SOS1: variants seen among roughly 807,000 people sequenced by gnomAD.
SOS1 encodes the protein son of sevenless homolog 1.
A neutral mutation model predicts 157.6 loss-of-function variants in SOS1; 25 were observed. That is an observed-to-expected ratio of 0.16 (90% CI 0.12 to 0.22). SOS1 has a LOEUF of 0.22. Among genes scored for constraint, SOS1 ranks in the 10% least tolerant of loss-of-function variants. SOS1 has a pLI of 1.00. For synonymous variants in SOS1, 528 were observed against 534.0 expected, an observed-to-expected ratio of 0.99 and a Z score of 0.16; for missense variants, 1,237 against 1,599.1, an observed-to-expected ratio of 0.77 and a Z score of 3.86.
intron 1 of SOS1, among the ~76,000 whole-genome samples, chr2:39,113,172 G>A (rs1673505134): frequency 6.6e-6 from 1 of 152,022 alleles, no homozygotes; most frequent in Non-Finnish European, 1.5e-5. Flanking sequence ...CCTGCCAGAG[G>A]TAGCATCACT....
chr2:39,050,509 T>C (rs1342638922), intron 6 of SOS1, among the ~76,000 whole-genome samples: 2 of 152,206 alleles, frequency 1.3e-5, no homozygotes, highest in African/African-American at 2.4e-5. Flanking sequence ...TGAGTATCTC[T>C]TACCCAAAAT....
intron 19 of SOS1, among the ~76,000 whole-genome samples, chr2:38,996,396 T>C (rs1456623819): frequency 6.6e-6 from 1 of 152,222 alleles, no homozygotes; most frequent in Non-Finnish European, 1.5e-5. Flanking sequence ...GGCAGACTTT[T>C]GACTTTTTTA....
chr2:39,081,910 AT>A (rs1449669922), intron 1 of SOS1, among the ~76,000 whole-genome samples: 1 of 152,170 alleles, frequency 6.6e-6, no homozygotes, highest in Non-Finnish European at 1.5e-5. Context: ...GGTAAAACCA[AT>A]TTTTAAAAAA....
At chr2:39,060,833 A>G (rs971682913) in intron 2 of SOS1, among the ~76,000 whole-genome samples, 1 of 152,188 alleles carries the variant, frequency 6.6e-6, no homozygotes. Flanking sequence ...GTAGACATAA[A>G]AGCAGTAGAA....
chr2:39,112,971 G>A (rs1673495195), intron 1 of SOS1, among the ~76,000 whole-genome samples: 1 of 151,960 alleles, frequency 6.6e-6, no homozygotes. Flanking sequence ...GGGAGGTGGA[G>A]GCTACAGTGA....
At chr2:39,059,834 C>G (rs1415091760) in intron 2 of SOS1, among the ~76,000 whole-genome samples, 2 of 151,918 alleles carry the variant, frequency 1.3e-5, no homozygotes, top group Non-Finnish European at 2.9e-5. Context: ...CCATTATGTC[C>G]AAGGCTAAGT....
intron 1 of SOS1, among the ~76,000 whole-genome samples, chr2:39,104,200 T>C (rs1478888439): frequency 2.0e-5 from 3 of 152,110 alleles, no homozygotes; most frequent in Non-Finnish European, 4.4e-5. Context: ...GAGAATTGCT[T>C]GAACCCAGGA....
chr2:39,028,941 C>T (rs1670065930), intron 8 of SOS1, among the ~76,000 whole-genome samples: 1 of 152,218 alleles, frequency 6.6e-6, no homozygotes, highest in Admixed American at 6.5e-5. Context: ...AAGAGTAACA[C>T]TTGATTTACT....
In SOS1 at chr2:39,088,802, G is replaced by A. The variant is rs116158046; in HGVS notation, c.88-21049C>T. ...TATAAACACTGGTGTACAAATATCTGTTCAAATCCCTGCTTTCAATAGCTA... is the reference window on the plus strand; with the variant it reads ...TATAAACACTGGTGTACAAATATCTATTCAAATCCCTGCTTTCAATAGCTA... On this transcript the variant is annotated intron_variant, in intron 1 of 22. Transcript: ENST00000402219. Among the ~76,000 whole-genome samples the A allele has an allele frequency of 9.2e-3, 1,401 of 152,064 alleles. 28 individuals are homozygous for A. The highest frequency in any genetic ancestry group is 0.032 in the African/African-American group (1,334 of 41,440).
chr2:39,067,146 G>A (rs928772415), intron 2 of SOS1, among the ~76,000 whole-genome samples: 1 of 152,068 alleles, frequency 6.6e-6, no homozygotes, highest in African/African-American at 2.4e-5. Context: ...GAGTAGCTGG[G>A]ACTACAGGCA....
chr2:39,106,611 AAACAAAAC>A (rs1558516382), intron 1 of SOS1, among the ~76,000 whole-genome samples: 1 of 149,080 alleles, frequency 6.7e-6, no homozygotes, highest in African/African-American at 2.6e-5. Context: ...ACAAAAAAAA[AAACAAAAC>A]ATCTGAGTAA....
intron 6 of SOS1, among the ~76,000 whole-genome samples, chr2:39,036,397 C>G (rs77301267): frequency 6.6e-6 from 1 of 152,100 alleles, no homozygotes; most frequent in Non-Finnish European, 1.5e-5. Context: ...GTCACCCAGG[C>G]TAGAGTGCCG....
At chr2:39,090,409 T>C (rs1672549602) in intron 1 of SOS1, among the ~76,000 whole-genome samples, 2 of 152,108 alleles carry the variant, frequency 1.3e-5, no homozygotes, top group Admixed American at 6.6e-5. Flanking sequence ...TAAGAATCTT[T>C]AGCAGGCCTG....
chr2:39,096,534 G>A (rs1572889594), intron 1 of SOS1, among the ~76,000 whole-genome samples: 1 of 152,066 alleles, frequency 6.6e-6, no homozygotes, highest in Non-Finnish European at 1.5e-5. Flanking sequence ...AATATCTTAA[G>A]CTTATTTATT....
In SOS1 at chr2:39,019,882, C is replaced by A. The variant is rs1487787689; in HGVS notation, c.1858+2688G>T. Among the ~76,000 whole-genome samples, 3 of 151,336 alleles carry A rather than the reference C, an allele frequency of 2.0e-5. No homozygotes were observed. The East Asian group carries it at 5.8e-4, about 29-fold the overall frequency. On this transcript the variant is annotated intron_variant, in intron 10 of 22. Coordinates refer to ENST00000402219, the MANE Select transcript of SOS1 (RefSeq NM_005633.4). ...ATATCTTCATAGTACGCACGTTTGC[C>A]CAGAAATGAACAAGCCATTTATATT...
intron 1 of SOS1, among the ~76,000 whole-genome samples, chr2:39,107,641 C>G (rs1274384455): frequency 2.7e-5 from 4 of 149,502 alleles, no homozygotes; most frequent in African/African-American, 1.0e-4. Flanking sequence ...CAAAGGCTCC[C>G]CTTGAAGCAT....
chr2:39,104,176 T>A (rs1254697344), intron 1 of SOS1, among the ~76,000 whole-genome samples: 1 of 151,920 alleles, frequency 6.6e-6, no homozygotes, highest in African/African-American at 2.4e-5. Flanking sequence ...CAGCTACTCA[T>A]GGGGCCGAGG....
At chr2:39,020,329 T>A (rs1218255942) in intron 10 of SOS1, among the ~76,000 whole-genome samples, 1 of 151,752 alleles carries the variant, frequency 6.6e-6, no homozygotes, top group Non-Finnish European at 1.5e-5. Flanking sequence ...TCTGTTTTTA[T>A]GACAATGTCT....
Position 38,995,211 on chromosome 2 carries a change from C to A in SOS1, c.3258G>T (p.Pro1086=), listed in dbSNP as rs770550039. 1 of 1,613,978 alleles carries A rather than the reference C, an allele frequency of 6.2e-7. No homozygotes were observed. Among genetic ancestry groups the A allele is most frequent in the South Asian group, 1.1e-5 (1 of 91,078 alleles). Residue 1086 remains proline (P), a synonymous_variant, in exon 20 of 23, where the codon CCG becomes CCT. Coordinates refer to ENST00000402219, the MANE Select transcript of SOS1 (RefSeq NM_005633.4). ...TASAPNSPRT[P]LTPPPASGAS... is the part of the protein sequence containing the mutation. The stretch of plus-strand genomic sequence containing the variant: ...CACCAGAAGCAGGCGGAGGTGTTAA[C>A]GGTGTTCTTGGAGAATTTGGTGCAG...
Sources: gnomAD v4.1 joint callset for allele counts (sites outside exome capture counted in the v4.1 genomes callset) on GRCh38, gnomAD v4.1.1 for gene constraint, MANE v1.5 for transcripts, NCBI Gene and HGNC (gene_info 2026-07-23, HGNC 2026-07-21) for gene names.